Variants in JAKMIP1 observed in about 807,000 individuals in gnomAD.
The protein encoded by JAKMIP1 is janus kinase and microtubule interacting protein 1, also known as janus kinase and microtubule-interacting protein 1.
JAKMIP1 carries 33 observed loss-of-function variants against 113.0 expected under a neutral mutation model. The observed-to-expected ratio is 0.29, with a 90% CI of 0.22 to 0.39. The LOEUF (loss-of-function observed/expected upper bound fraction) is 0.39, where lower values mean the gene tolerates loss of function less well. Ranked by LOEUF, JAKMIP1 falls within the 10% of genes least tolerant of loss-of-function variation. The pLI, the probability that JAKMIP1 is intolerant of heterozygous loss-of-function variation, is 1.00. For synonymous variants in JAKMIP1, 480 were observed against 459.9 expected (o/e 1.04, Z -0.56); for missense variants, 813 against 1,080.5 (o/e 0.75, Z 3.47).
chr4:6,038,287 G>T (rs59248046), intron 18 of JAKMIP1, among the ~76,000 whole-genome samples: 8 of 108,346 alleles, frequency 7.4e-5, no homozygotes, highest in Non-Finnish European at 1.5e-4. Context: ...GAGGCTAACC[G>T]GTATCCCTCC....
chr4:6,126,829 T>C (rs1717737084), intron 1 of JAKMIP1, among the ~76,000 whole-genome samples: 1 of 150,594 alleles, frequency 6.6e-6, no homozygotes, highest in African/African-American at 2.4e-5. Context: ...ACACAACCCA[T>C]GCACCACACA....
At position 6,124,173 on chromosome 4, in the gene JAKMIP1, G is replaced by A. The variant is rs564207105; in HGVS notation, c.-147-11176C>T. Among the ~76,000 whole-genome samples the A allele has an allele frequency of 1.1e-3, 174 of 152,296 alleles. 1 individual carries two copies. The highest frequency in any genetic ancestry group is 3.7e-3 in the African/African-American group (154 of 41,560). ...AGGACTCTCCATCCATAATGGGGGT[G>A]GGCCGTGCGGACGGCACCACGTGGA... is the stretch of plus-strand genomic sequence containing the variant. On this transcript the variant is annotated intron_variant, in intron 1 of 20. Transcript: ENST00000409021.
In JAKMIP1 at chr4:6,076,905, G is replaced by T. The variant is rs1719767833; in HGVS notation, c.1302+2034C>A. Among the ~76,000 whole-genome samples the T allele has an allele frequency of 6.6e-6, 1 of 152,192 alleles. No homozygotes were observed. Among genetic ancestry groups the T allele is most frequent in the Non-Finnish European group, 1.5e-5 (1 of 68,034 alleles). ...GTGTTTTTACTGCAACCTGTCACAT[G>T]AGGCCAGGTGTGAAATTTCCCTGGC... On this transcript the variant is annotated intron_variant, in intron 8 of 20. Coordinates refer to ENST00000409021, the MANE Select transcript of JAKMIP1 (RefSeq NM_001099433.2). This position sits in a 1 kb window ranked among gnomAD's most constrained non-coding sequence, Gnocchi z 4.8.
At chr4:6,062,774 CA>C (rs1717488982) in intron 9 of JAKMIP1, among the ~76,000 whole-genome samples, 1 of 152,184 alleles carries the variant, frequency 6.6e-6, no homozygotes, top group Non-Finnish European at 1.5e-5. Context: ...ACCATGGAAC[CA>C]GCCCCAACTC....
rs1211125038 is a variant in JAKMIP1 at position 6,040,329 on chromosome 4, T to C, written c.2175+310A>G. The stretch of plus-strand genomic sequence containing the variant: ...AAAACTTGCTTTGGGACTTTAAGTC[T>C]AAATATTTAAGTAAAATCAAACATA... On this transcript the variant is annotated intron_variant, in intron 18 of 20. Transcript: ENST00000409021. This position sits in a 1 kb window ranked among gnomAD's most constrained non-coding sequence, Gnocchi z 5.8. Among the ~76,000 whole-genome samples the C allele has an allele frequency of 6.6e-6, 1 of 152,262 alleles. No individual in the cohort carries two copies. The highest frequency in any genetic ancestry group is 6.5e-5 in the Admixed American group (1 of 15,288).
At chr4:6,092,808 G>A (rs1722273561) in intron 3 of JAKMIP1, among the ~76,000 whole-genome samples, 1 of 152,290 alleles carries the variant, frequency 6.6e-6, no homozygotes, top group South Asian at 2.1e-4. Flanking sequence ...CCCAGATTCA[G>A]GTGCAGGGGC....
intron 8 of JAKMIP1, among the ~76,000 whole-genome samples, chr4:6,074,691 C>A (rs1719456268): frequency 6.6e-6 from 1 of 152,164 alleles, no homozygotes; most frequent in Non-Finnish European, 1.5e-5. Context: ...AATATCGTAC[C>A]TAATACAGTG....
chr4:6,040,448 T>G lies in JAKMIP1; in HGVS notation c.2175+191A>C, dbSNP rs1714165893. Among the ~76,000 whole-genome samples the G allele has an allele frequency of 6.6e-6, 1 of 152,248 alleles. No homozygotes were observed. The highest frequency in any genetic ancestry group is 2.1e-4 in the South Asian group (1 of 4,838). ...CCATTAAAGTAACTTTGAATATTTT[T>G]GAAAATCACGATTGATTTGGAAAAA... On this transcript the variant is annotated intron_variant, in intron 18 of 20. Transcript: ENST00000409021. This position sits in a 1 kb window ranked among gnomAD's most constrained non-coding sequence, Gnocchi z 5.8.
rs201768809 is a variant in JAKMIP1, at chr4:6,029,800, C to T, written c.2380-19G>A. ...GGATTCTCTGAAATACACCAGGTTACGTGTCAGAAAAAGTAAGTTTTCCAG... is the reference window on the plus strand; with the variant it reads ...GGATTCTCTGAAATACACCAGGTTATGTGTCAGAAAAAGTAAGTTTTCCAG... On this transcript the variant is annotated intron_variant, in intron 19 of 20. Transcript: ENST00000409021. 3.6e-4 allele frequency: 565 copies of T among 1,570,384 alleles called. 2 individuals are homozygous for T. The African/African-American group carries it at 6.7e-3, about 19-fold the overall frequency.
chr4:6,107,114 A>G (rs1714084076), intron 2 of JAKMIP1, among the ~76,000 whole-genome samples: 1 of 152,248 alleles, frequency 6.6e-6, no homozygotes, highest in Non-Finnish European at 1.5e-5. Flanking sequence ...CCAGGCGACC[A>G]GTCCATGTTC....
Position 6,156,244 on chromosome 4 carries a change from G to C in JAKMIP1, c.-147-43247C>G, listed in dbSNP as rs1423962192. Among the ~76,000 whole-genome samples, 1 of 152,196 alleles carries C rather than the reference G, an allele frequency of 6.6e-6. No individual in the cohort carries two copies. Among genetic ancestry groups the C allele is most frequent in the East Asian group, 1.9e-4 (1 of 5,198 alleles). On this transcript the variant is annotated intron_variant, in intron 1 of 20. Coordinates refer to ENST00000409021, the MANE Select transcript of JAKMIP1 (RefSeq NM_001099433.2). This position sits in a 1 kb window ranked among gnomAD's most constrained non-coding sequence, Gnocchi z 5.0. ...CCTCGGAAGTGGCCCGCCAACACAG[G>C]AACAAGCGAATGCCACTGTATCACA...
rs748036486 is a variant in JAKMIP1, at chr4:6,054,168, G to T, written c.1708-20C>A. Reference sequence around the variant, plus strand: ...GTAAATCTAGAGCAAAGATACCTGCGGATTAACAGGATGGGTGGGAGCACT... The same window carrying T: ...GTAAATCTAGAGCAAAGATACCTGCTGATTAACAGGATGGGTGGGAGCACT... On this transcript the variant is annotated intron_variant, in intron 12 of 20. Coordinates refer to ENST00000409021, the MANE Select transcript of JAKMIP1 (RefSeq NM_001099433.2). 3 of 1,613,366 alleles carry T rather than the reference G, an allele frequency of 1.9e-6. No homozygotes were observed. The South Asian group carries it at 3.3e-5, about 18-fold the overall frequency.
intron 3 of JAKMIP1, among the ~76,000 whole-genome samples, chr4:6,095,590 G>C (rs560994567): frequency 4.6e-5 from 7 of 152,246 alleles, no homozygotes; most frequent in African/African-American, 1.7e-4. Context: ...AAATGCCTGA[G>C]TCATTGTCCT....
chr4:6,111,240 A>G (rs958988079), intron 2 of JAKMIP1, among the ~76,000 whole-genome samples: 2 of 152,160 alleles, frequency 1.3e-5, no homozygotes, highest in African/African-American at 2.4e-5. Flanking sequence ...GCAATTCCCC[A>G]AGCAGCCTCC....
At chr4:6,145,125 G>C (rs1257618091) in intron 1 of JAKMIP1, among the ~76,000 whole-genome samples, 1 of 152,156 alleles carries the variant, frequency 6.6e-6, no homozygotes, top group Non-Finnish European at 1.5e-5. Flanking sequence ...ACCGGATATA[G>C]TCTAGAGGAT....
intron 1 of JAKMIP1, among the ~76,000 whole-genome samples, chr4:6,120,852 G>A (rs1349011485): frequency 6.6e-6 from 1 of 151,242 alleles, no homozygotes; most frequent in African/African-American, 2.4e-5. Context: ...TGGAGGCTAA[G>A]TGCCTTCAGG....
rs141992244 is a variant in JAKMIP1 at position 6,084,257 on chromosome 4, C to A, written c.954+589G>T. Among the ~76,000 whole-genome samples, 96 of 148,644 alleles carry A rather than the reference C, an allele frequency of 6.5e-4. 1 individual carries two copies. The East Asian group carries it at 0.016, about 24-fold the overall frequency. ...GCTTGAACCCGGGAGGTGAAGGTTACGGTGAGCCAAGATGGTGCCAATTGC... is the reference window on the plus strand; with the variant it reads ...GCTTGAACCCGGGAGGTGAAGGTTAAGGTGAGCCAAGATGGTGCCAATTGC... On this transcript the variant is annotated intron_variant, in intron 5 of 20. Transcript: ENST00000409021.
At chr4:6,099,594 A>G (rs1712667260) in intron 3 of JAKMIP1, among the ~76,000 whole-genome samples, 1 of 152,076 alleles carries the variant, frequency 6.6e-6, no homozygotes, top group Non-Finnish European at 1.5e-5. Flanking sequence ...TTAAACAGTC[A>G]CTTGTGTTTT....
rs1719261754 is a variant in JAKMIP1, at chr4:6,136,457, C to T, written c.-147-23460G>A. ...GTTGAGGGACCTGCTGGAAGGAACT[C>T]GGTATCAGTCCAGAGTGATCTATTT... is the stretch of plus-strand genomic sequence containing the variant. On this transcript the variant is annotated intron_variant, in intron 1 of 20. Coordinates refer to ENST00000409021, the MANE Select transcript of JAKMIP1 (RefSeq NM_001099433.2). This position sits in a 1 kb window ranked among gnomAD's most constrained non-coding sequence, Gnocchi z 5.9. 6.6e-6 allele frequency among the ~76,000 whole-genome samples: 1 copy of T among 152,064 alleles called. No homozygotes were observed. Among genetic ancestry groups the T allele is most frequent in the Non-Finnish European group, 1.5e-5 (1 of 68,028 alleles).
Sources: allele counts gnomAD v4.1 joint callset (sites outside exome capture counted in the v4.1 genomes callset), GRCh38; gene constraint gnomAD v4.1.1; non-coding constraint Gnocchi (gnomAD v3.1); transcripts MANE v1.5; gene names NCBI Gene and HGNC (gene_info 2026-07-23, HGNC 2026-07-21).